Variants in DMD observed in about 807,000 individuals in gnomAD.
DMD encodes dystrophin, also known as mutant dystrophin.
In DMD, 63 loss-of-function variants were observed where a neutral mutation model predicts 330.1. The ratio of observed to expected loss-of-function variants is 0.19; its 90% CI spans 0.16 to 0.24. DMD has a LOEUF of 0.24. DMD is among the 10% of genes least tolerant of loss of function. The pLI, the probability that DMD is intolerant of heterozygous loss-of-function variation, is 1.00. For synonymous variants in DMD, 1,223 were observed against 959.8 expected, an observed-to-expected ratio of 1.27 and a Z score of -5.07; for missense variants, 3,344 against 2,684.1, an observed-to-expected ratio of 1.25 and a Z score of -5.43.
chrX:31,147,554 G>GAA (rs747352442), intron 74 of DMD, 36 bp from the exon 75 acceptor site: 11 of 100,077 alleles, frequency 1.1e-4, no homozygotes, highest in African/African-American at 3.0e-4. Context: ...GAAAAAAAAA[G>GAA]AAAGAAAAAG....
At chrX:31,893,334 T>C (rs1388373282) in intron 47 of DMD, among the ~76,000 whole-genome samples, 3 of 111,204 alleles carry the variant, frequency 2.7e-5, no homozygotes, top group Non-Finnish European at 5.7e-5. Flanking sequence ...ATGTGGTTAA[T>C]TTCTGGCCTC....
At chrX:32,207,473 C>A (rs1226093241) in intron 44 of DMD, among the ~76,000 whole-genome samples, 1 of 111,945 alleles carries the variant, frequency 8.9e-6, no homozygotes, top group East Asian at 2.8e-4. Context: ...TACTTTGTTA[C>A]AGCAGCACAA....
intron 51 of DMD, among the ~76,000 whole-genome samples, chrX:31,738,962 A>T (rs1293796766): frequency 8.9e-6 from 1 of 111,865 alleles, no homozygotes; most frequent in Non-Finnish European, 1.9e-5. Flanking sequence ...TGGTGTAGGT[A>T]TAGTTACTGG....
In DMD at chrX:32,516,862, A is replaced by C. The variant is rs542883715; in HGVS notation, c.2292+1146T>G. ...TTCATATTTCCCATTTCTTGAAACA[A>C]TTTAGAATAGTCTATTATAATGCTG... On this transcript the variant is annotated intron_variant, in intron 18 of 78. Transcript: ENST00000357033. 8.9e-5 allele frequency: 10 copies of C among 112,030 alleles called. No homozygotes were observed. The South Asian group carries it at 3.6e-3, about 41-fold the overall frequency. The allele number at this position is 112,030 out of a possible 1,213,427, so 9.2% of individuals were successfully genotyped here.
At chrX:33,164,607 T>G (rs149055507) in intron 1 of DMD, among the ~76,000 whole-genome samples, 1 of 112,293 alleles carries the variant, frequency 8.9e-6, no homozygotes, top group Admixed American at 9.5e-5. Context: ...ATTACTACAC[T>G]ACTTTCACAG....
intron 1 of DMD, among the ~76,000 whole-genome samples, chrX:33,235,919 T>A (rs6631760): frequency 0.18 from 17,985 of 98,454 alleles, 2,399 homozygotes; most frequent in East Asian, 0.53. Flanking sequence ...TATTATTATT[T>A]TTTTTTTTTT....
chrX:33,081,298 G>A (rs187637384), intron 1 of DMD, among the ~76,000 whole-genome samples: 1 of 111,482 alleles, frequency 9.0e-6, no homozygotes, highest in East Asian at 2.8e-4. Flanking sequence ...TTTTAAGACG[G>A]AGTCTCGCTC....
chrX:32,977,079 G>T, intron 2 of DMD, among the ~76,000 whole-genome samples: 1 of 111,322 alleles, frequency 9.0e-6, no homozygotes. Context: ...ATCGCTTGAG[G>T]TCAGGAGTTT....
At chrX:32,725,420 A>G (rs949793719) in intron 7 of DMD, among the ~76,000 whole-genome samples, 1 of 111,444 alleles carries the variant, frequency 9.0e-6, no homozygotes, top group Non-Finnish European at 1.9e-5. Context: ...CTATAAAGAT[A>G]CACATGGGCT....
chrX:32,042,551 T>A (rs2096019807), intron 44 of DMD, among the ~76,000 whole-genome samples: 1 of 111,583 alleles, frequency 9.0e-6, no homozygotes, highest in African/African-American at 3.3e-5. Flanking sequence ...GGGATTATAA[T>A]TCAAAATGAG....
chrX:32,175,518 G>C (rs2096903290), intron 44 of DMD, among the ~76,000 whole-genome samples: 1 of 110,700 alleles, frequency 9.0e-6, no homozygotes, highest in African/African-American at 3.3e-5. Flanking sequence ...TCTTGCTGCT[G>C]CTCGCTGTTT....
chrX:32,438,194 A>G (rs1220096937), intron 29 of DMD, 47 bp downstream of exon 29: 4 of 1,168,412 alleles, frequency 3.4e-6, no homozygotes, highest in Non-Finnish European at 3.5e-6. Flanking sequence ...TATCTGCTAT[A>G]CATTAATGCA....
At chrX:31,645,915 T>C (rs747096042) in intron 54 of DMD, among the ~76,000 whole-genome samples, 1 of 111,843 alleles carries the variant, frequency 8.9e-6, no homozygotes, top group Non-Finnish European at 1.9e-5. Context: ...TTTTCATCCA[T>C]AGAACCCTTT....
chrX:32,865,497 A>C (rs1189801424), intron 2 of DMD, among the ~76,000 whole-genome samples: 2 of 111,365 alleles, frequency 1.8e-5, no homozygotes, highest in Non-Finnish European at 3.8e-5. Context: ...GGATCAGATG[A>C]AATAGACGCA....
chrX:32,708,595 G>A (rs897705925), intron 7 of DMD, among the ~76,000 whole-genome samples: 8 of 111,690 alleles, frequency 7.2e-5, no homozygotes, highest in African/African-American at 2.6e-4. Context: ...AGGTTTGCTT[G>A]CATTCATGCC....
intron 1 of DMD, among the ~76,000 whole-genome samples, chrX:33,233,568 T>C (rs2052426062): frequency 8.9e-6 from 1 of 112,623 alleles, no homozygotes; most frequent in African/African-American, 3.2e-5. Flanking sequence ...ACCATACAAT[T>C]CTATTTGCAT....
intron 12 of DMD, among the ~76,000 whole-genome samples, chrX:32,599,426 C>G (rs1417256716): frequency 2.2e-4 from 25 of 111,412 alleles, no homozygotes; most frequent in African/African-American, 7.8e-4. Context: ...AATGAATTCT[C>G]AAGAGTATTT....
intron 1 of DMD, among the ~76,000 whole-genome samples, chrX:33,177,592 GC>G (rs765809648): frequency 2.7e-5 from 3 of 110,647 alleles, no homozygotes; most frequent in African/African-American, 9.8e-5. Context: ...CACCATGTTG[GC>G]CAGGTTGGTC....
intron 6 of DMD, among the ~76,000 whole-genome samples, chrX:32,812,730 G>A (rs1362821601): frequency 8.9e-6 from 1 of 112,085 alleles, no homozygotes; most frequent in Non-Finnish European, 1.9e-5. Flanking sequence ...TTAGGAAATC[G>A]AATCCCTCCA....
Sources: gnomAD v4.1 joint callset for allele counts (sites outside exome capture counted in the v4.1 genomes callset) on GRCh38, gnomAD v4.1.1 for gene constraint, MANE v1.5 for transcripts, NCBI Gene and HGNC (gene_info 2026-07-23, HGNC 2026-07-21) for gene names.